The following FOCAD variants were observed in gnomAD, a reference collection of about 807,000 sequenced individuals.
FOCAD encodes the protein focadhesin.
Under a neutral mutation model 225.6 loss-of-function variants are expected in FOCAD, and 198 were observed. That is an observed-to-expected ratio of 0.88 (90% confidence interval 0.78 to 0.99). The LOEUF (loss-of-function observed/expected upper bound fraction) is 0.99, where lower values mean the gene tolerates loss of function less well. Ranked by LOEUF, FOCAD falls within the 50% of genes least tolerant of loss-of-function variation. FOCAD has a pLI of 0.00. For synonymous variants in FOCAD, 897 were observed against 755.0 expected (o/e 1.19, Z -3.08); for missense variants, 2,713 against 2,123.6 (o/e 1.28, Z -5.46).
chr9:20,789,408 T>C lies in FOCAD; in HGVS notation c.1255T>C (p.Trp419Arg). The change falls in exon 11 of 44, where the codon TGG becomes CGG. Residue 419 changes from tryptophan (W) to arginine (R), a missense_variant. Physicochemically the swap from Trp to Arg is moderately radical, Grantham distance 101. Transcript: ENST00000338382. ...TATGTATGGTACAATATTTACAGCC[T>C]GGAGGATTCTTGAAGTAATGACAGA... Reference protein sequence around the residue: ...TSMYGTIFTAWRILEVMTDSS... With the variant: ...TSMYGTIFTARRILEVMTDSS... The C allele has an allele frequency of 6.2e-7, 1 of 1,614,060 alleles. No homozygotes were observed. The highest frequency in any genetic ancestry group is 1.7e-4 in the Middle Eastern group (1 of 6,058).
intron 9 of FOCAD, among the ~76,000 whole-genome samples, chr9:20,779,519 G>T (rs1419828657): frequency 6.6e-6 from 1 of 152,188 alleles, no homozygotes; most frequent in Non-Finnish European, 1.5e-5. Context: ...GGCCGAAGTG[G>T]GTGGACCACC....
At chr9:20,758,314 T>C (rs1829248561) in intron 6 of FOCAD, 123 bp downstream of exon 6, 4 of 557,642 alleles carry the variant, frequency 7.2e-6, no homozygotes, top group Non-Finnish European at 1.2e-5. Context: ...TAATGTTTTC[T>C]CCTGAAGAAC....
At chr9:20,686,975 C>T (rs1224310305) in intron 1 of FOCAD, among the ~76,000 whole-genome samples, 4 of 150,762 alleles carry the variant, frequency 2.7e-5, no homozygotes, top group Non-Finnish European at 5.9e-5. Context: ...TTGTAACCCT[C>T]TAAGTACTTC....
intron 4 of FOCAD, among the ~76,000 whole-genome samples, chr9:20,723,262 C>T (rs544333545): frequency 7.2e-4 from 110 of 152,278 alleles, no homozygotes; most frequent in African/African-American, 1.4e-3. Context: ...CCGAGGCAGG[C>T]GAATCACTTG....
At chr9:20,758,003 G>T (rs988492285) in intron 5 of FOCAD, 87 bp from the exon 6 acceptor site, 4 of 725,376 alleles carry the variant, frequency 5.5e-6, no homozygotes, top group Admixed American at 2.7e-5. Context: ...TAGATGGTAG[G>T]TACTGGCTTC....
At chr9:20,800,935 A>C (rs1200174562) in intron 11 of FOCAD, among the ~76,000 whole-genome samples, 2 of 151,832 alleles carry the variant, frequency 1.3e-5, no homozygotes, top group African/African-American at 2.4e-5. Flanking sequence ...TGATTTTTAG[A>C]ATTTTCAGTT....
intron 35 of FOCAD, among the ~76,000 whole-genome samples, chr9:20,954,962 C>G (rs1399419354): frequency 6.6e-6 from 1 of 152,170 alleles, no homozygotes; most frequent in Non-Finnish European, 1.5e-5. Flanking sequence ...GGTGTGCATG[C>G]AAACGAGTGT....
At chr9:20,848,448 G>A (rs771404442) in intron 15 of FOCAD, among the ~76,000 whole-genome samples, 21 of 152,004 alleles carry the variant, frequency 1.4e-4, no homozygotes, top group Non-Finnish European at 2.8e-4. Context: ...GGGAGGGTTA[G>A]AGTAATATTT....
At chr9:20,852,470 G>A (rs964692253) in intron 15 of FOCAD, among the ~76,000 whole-genome samples, 2 of 151,530 alleles carry the variant, frequency 1.3e-5, no homozygotes, top group Admixed American at 6.6e-5. Context: ...TGGATACATA[G>A]GGTGGGGGTG....
chr9:20,762,537 T>A (rs938588867), intron 6 of FOCAD, among the ~76,000 whole-genome samples: 1 of 152,242 alleles, frequency 6.6e-6, no homozygotes. Flanking sequence ...AATTAATGAA[T>A]GAATAAAATT....
At chr9:20,843,896 A>T (rs1006024884) in intron 15 of FOCAD, among the ~76,000 whole-genome samples, 1 of 152,168 alleles carries the variant, frequency 6.6e-6, no homozygotes, top group Non-Finnish European at 1.5e-5. Context: ...AGAACCACTT[A>T]GGACTGGTTA....
chr9:20,801,714 T>C (rs1158185133), intron 11 of FOCAD, among the ~76,000 whole-genome samples: 1 of 152,154 alleles, frequency 6.6e-6, no homozygotes, highest in East Asian at 1.9e-4. Flanking sequence ...ATAGTTTCAG[T>C]AGCAGTACTT....
chr9:20,842,127 A>G (rs1356437023), intron 15 of FOCAD, among the ~76,000 whole-genome samples: 5 of 149,724 alleles, frequency 3.3e-5, no homozygotes, highest in Non-Finnish European at 6.0e-5. Flanking sequence ...ACTTTACATG[A>G]TTTTTTTTTT....
intron 15 of FOCAD, among the ~76,000 whole-genome samples, chr9:20,849,446 T>C (rs904852809): frequency 1.3e-5 from 2 of 151,896 alleles, no homozygotes; most frequent in Admixed American, 6.6e-5. Context: ...TATTCTAATA[T>C]AGTCAGTCAA....
chr9:20,812,859 A>AT (rs1224856436), intron 11 of FOCAD, among the ~76,000 whole-genome samples: 3 of 152,274 alleles, frequency 2.0e-5, no homozygotes, highest in East Asian at 1.9e-4. Flanking sequence ...CAATCCCAGG[A>AT]TTTTTTGTGT....
At chr9:20,852,194 A>G (rs371606041) in intron 15 of FOCAD, among the ~76,000 whole-genome samples, 6 of 151,940 alleles carry the variant, frequency 3.9e-5, no homozygotes, top group African/African-American at 1.4e-4. Flanking sequence ...CTAGCTTTCT[A>G]GCACTGAAGA....
chr9:20,904,076 G>A (rs1220611861), intron 21 of FOCAD, among the ~76,000 whole-genome samples: 1 of 151,966 alleles, frequency 6.6e-6, no homozygotes, highest in African/African-American at 2.4e-5. Context: ...TTCAGCCATA[G>A]TGTATCAGTA....
At chr9:20,948,206 A>G (rs1322560988) in intron 30 of FOCAD, 65 bp from the exon 31 acceptor site, 7 of 1,457,368 alleles carry the variant, frequency 4.8e-6, no homozygotes, top group Non-Finnish European at 6.5e-6. Context: ...TGCTATTTAT[A>G]AACATTCTAA....
chr9:20,853,676 A>C (rs1480532558), intron 15 of FOCAD, among the ~76,000 whole-genome samples: 2 of 151,746 alleles, frequency 1.3e-5, no homozygotes, highest in Non-Finnish European at 3.0e-5. Flanking sequence ...CATCAGAATT[A>C]CTGTCATTTA....
Sources: gnomAD v4.1 joint callset for allele counts (sites outside exome capture counted in the v4.1 genomes callset) on GRCh38, gnomAD v4.1.1 for gene constraint, MANE v1.5 for transcripts, NCBI Gene and HGNC (gene_info 2026-07-23, HGNC 2026-07-21) for gene names.